Variants in CALY observed in about 807,000 individuals in gnomAD.
CALY encodes calcyon neuron specific vesicular protein, also known as neuron-specific vesicular protein calcyon.
Under a neutral mutation model 20.2 loss-of-function variants are expected in CALY, and 15 were observed. The observed-to-expected ratio is 0.74, with a 90% CI of 0.50 to 1.14. The LOEUF is 1.14. CALY is among the 50% of genes most tolerant of loss of function. The pLI, the probability that CALY is intolerant of heterozygous loss-of-function variation, is 0.00. For missense variants in CALY, 270 were observed against 304.4 expected (o/e 0.89, Z 0.84); for synonymous variants, 129 against 131.8 (o/e 0.98, Z 0.15).
chr10:133,326,839 G>A lies in CALY; in HGVS notation c.360+39C>T, dbSNP rs142924701. ...CTGCCTGGAGGCTACGGGAGGAGGG[G>A]CGGCTCTACACCCCCCACCAGAGCC... is the stretch of plus-strand genomic sequence containing the variant. On this transcript the variant is annotated intron_variant, in intron 4 of 5. Coordinates refer to ENST00000252939, the MANE Select transcript of CALY (RefSeq NM_015722.4). The A allele has an allele frequency of 1.6e-5, 22 of 1,390,402 alleles. No individual in the cohort carries two copies. In the East Asian group the frequency reaches 4.2e-4, roughly 27 times the overall value. 86.1% of individuals were successfully genotyped at this position (1,390,402 alleles called of 1,614,324 possible).
chr10:133,326,140 A>C lies in CALY; in HGVS notation c.361-20T>G. On this transcript the variant is annotated intron_variant, in intron 4 of 5. Coordinates refer to ENST00000252939, the MANE Select transcript of CALY (RefSeq NM_015722.4). Reference sequence around the variant, plus strand: ...CTTGTGCTGCGGGAGGGGCCGGGTCAGGGTCGGTGGGGCTGAGCCCTCCTG... The same window carrying C: ...CTTGTGCTGCGGGAGGGGCCGGGTCCGGGTCGGTGGGGCTGAGCCCTCCTG... The C allele has an allele frequency of 6.3e-7, 1 of 1,593,220 alleles. No individual in the cohort carries two copies. The highest frequency in any genetic ancestry group is 8.6e-7 in the Non-Finnish European group (1 of 1,167,700).
intron 3 of CALY, among the ~76,000 whole-genome samples, 164 bp from the exon 4 acceptor site, chr10:133,327,155 A>G (rs1848228315): frequency 6.6e-6 from 1 of 152,228 alleles, no homozygotes; most frequent in African/African-American, 2.4e-5. Flanking sequence ...CCGAGGGTCA[A>G]GTGTGCAGGC....
At chr10:133,332,129 GAA>G (rs34950354) in intron 1 of CALY, among the ~76,000 whole-genome samples, 26,987 of 146,748 alleles carry the variant, frequency 0.18, 2,775 homozygotes, top group African/African-American at 0.27. Context: ...CTCCGTCTGG[GAA>G]AAAAAAAAAA....
In CALY at chr10:133,329,591, G is replaced by A. The variant is rs556773995; in HGVS notation, c.-20-582C>T. Among the ~76,000 whole-genome samples, 15 of 151,382 alleles carry A rather than the reference G, an allele frequency of 9.9e-5. 1 individual carries two copies. In the East Asian group the frequency reaches 2.9e-3, roughly 30 times the overall value. ...TGTAGAGACGGGGTTTCGTCAGGTTGCCCAGGCTGGTCTCAAGCGATCTGC... is the reference window on the plus strand; with the variant it reads ...TGTAGAGACGGGGTTTCGTCAGGTTACCCAGGCTGGTCTCAAGCGATCTGC... On this transcript the variant is annotated intron_variant, in intron 1 of 5. Coordinates refer to ENST00000252939, the MANE Select transcript of CALY (RefSeq NM_015722.4).
At chr10:133,329,395 T>C (rs116598524) in intron 1 of CALY, among the ~76,000 whole-genome samples, 9 of 104,962 alleles carry the variant, frequency 8.6e-5, no homozygotes, top group South Asian at 2.7e-4. Context: ...TCTTCTTCTT[T>C]TTTTTTTTTG....
intron 1 of CALY, 27 bp from the exon 2 acceptor site, chr10:133,329,036 C>T: frequency 2.7e-6 from 4 of 1,502,024 alleles, no homozygotes; most frequent in Middle Eastern, 2.0e-4. Flanking sequence ...AGAGTCACTG[C>T]CCACAGGCTG....
intron 1 of CALY, among the ~76,000 whole-genome samples, chr10:133,330,959 TATC>T (rs1392848730): frequency 6.6e-6 from 1 of 152,164 alleles, no homozygotes; most frequent in Non-Finnish European, 1.5e-5. Context: ...CAAGGTAACA[TATC>T]ATGACAGTTT....
chr10:133,329,297 C>T (rs1848263253), intron 1 of CALY, among the ~76,000 whole-genome samples: 1 of 152,234 alleles, frequency 6.6e-6, no homozygotes, highest in South Asian at 2.1e-4. Context: ...CTTCCAACGG[C>T]AGCTGCTCTA....
chr10:133,326,576 A>C (rs1174673077), intron 4 of CALY, among the ~76,000 whole-genome samples: 1 of 152,232 alleles, frequency 6.6e-6, no homozygotes, highest in African/African-American at 2.4e-5. Flanking sequence ...TTATATAAAA[A>C]TAAAACCTCA....
At chr10:133,329,389 C>CTTTTTTTTTTTTTTTTTTTTTTT (rs1325679515) in intron 1 of CALY, among the ~76,000 whole-genome samples, 1 of 99,614 alleles carries the variant, frequency 1.0e-5, no homozygotes, top group African/African-American at 4.1e-5. Context: ...TCTTCTTCTT[C>CTTTTTTTTTTTTTTTTTTTTTTT]TTCTTTTTTT....
intron 1 of CALY, among the ~76,000 whole-genome samples, chr10:133,331,353 C>T (rs1407330940): frequency 1.3e-5 from 2 of 152,170 alleles, no homozygotes; most frequent in African/African-American, 4.8e-5. Flanking sequence ...ACCCATGAAA[C>T]AGTGTCTGTG....
At chr10:133,328,542 C>T (rs977410452) in intron 2 of CALY, among the ~76,000 whole-genome samples, 1 of 152,234 alleles carries the variant, frequency 6.6e-6, no homozygotes, top group African/African-American at 2.4e-5. Context: ...CAGGGCCATG[C>T]CCCGAGGGGA....
Position 133,324,928 on chromosome 10 carries a change from TC to T in CALY, c.*666del. 7 of 220,252 alleles carry T rather than the reference TC, an allele frequency of 3.2e-5. No homozygotes were observed. Among genetic ancestry groups the T allele is most frequent in the Admixed American group, 1.1e-4 (2 of 18,552 alleles). The allele number at this position is 220,252 out of a possible 1,614,324, so 13.6% of individuals were successfully genotyped here. A position where few individuals can be genotyped will look rare whatever the true frequency, so the allele number is the denominator to read the frequency against. On this transcript the variant is annotated 3_prime_UTR_variant, in exon 6 of 6. Coordinates refer to ENST00000252939, the MANE Select transcript of CALY (RefSeq NM_015722.4). ...CCCCTCATCAGGCCCCACTCCCCAC[TC>T]AGACGCCCCCATTCACTCCTTTCTT...
Position 133,325,996 on chromosome 10 carries a change from G to A in CALY, c.485C>T (p.Pro162Leu), listed in dbSNP as rs1272973286. ...GCGGTAGCCGTCCCCCCAGGCCGCC[G>A]GCGTCTCCGTGCCGTGCTTGCGGCT... ...PLSRKHGTETPAAWGDGYRAA... is the reference protein window; with the variant it reads ...PLSRKHGTETLAAWGDGYRAA... The change falls in exon 5 of 6, where the codon CCG (proline) becomes CTG (leucine). Residue 162 changes from proline (P) to leucine (L), a missense_variant. Transcript: ENST00000252939. 3.2e-6 allele frequency: 5 copies of A among 1,566,018 alleles called. No homozygotes were observed. The highest frequency in any genetic ancestry group is 2.4e-5 in the East Asian group (1 of 41,742).
chr10:133,327,952 G>C lies in CALY; in HGVS notation c.199C>G (p.Leu67Val). 2.5e-6 allele frequency: 4 copies of C among 1,613,268 alleles called. No homozygotes were observed. The highest frequency in any genetic ancestry group is 3.4e-6 in the Non-Finnish European group (4 of 1,179,702). The change falls in exon 3 of 6, where the codon CTG becomes GTG. Residue 67 changes from leucine to valine, a missense_variant. Transcript: ENST00000252939. ...CTGCAGTTCAGCCTCTGGCCCTCCA[G>C]GTCAGGGAAATTCTGCTGGTCTGGG... ...SSPDQQNFPD[L>V]EGQRLNCSHP...
rs1208070264 is a variant in CALY at position 133,327,945 on chromosome 10, C to A, written c.206G>T (p.Gly69Val). 6.2e-7 allele frequency: 1 copy of A among 1,613,160 alleles called. No homozygotes were observed. The highest frequency in any genetic ancestry group is 1.1e-5 in the South Asian group (1 of 90,792). The change falls in exon 3 of 6, where the codon GGC becomes GTC. Residue 69 changes from glycine to valine, a missense_variant. Transcript: ENST00000252939. ...PDQQNFPDLE[G>V]QRLNCSHPEE... ...TGGGTGGCTGCAGTTCAGCCTCTGG[C>A]CCTCCAGGTCAGGGAAATTCTGCTG...
chr10:133,327,980 G>A lies in CALY; in HGVS notation c.171C>T (p.Ser57=). 1 of 1,612,522 alleles carries A rather than the reference G, an allele frequency of 6.2e-7. No homozygotes were observed. The highest frequency in any genetic ancestry group is 8.5e-7 in the Non-Finnish European group (1 of 1,179,336). ...CAGGGAAATTCTGCTGGTCTGGGGA[G>A]GACAGCTGGTATTCTGTCTGTGTCT... ...VIKTQTEYQL[S]SPDQQNFPDL... is the part of the protein sequence containing the mutation. The change falls in exon 3 of 6, where the codon TCC becomes TCT. Residue 57 remains serine (S), a synonymous_variant. Coordinates refer to ENST00000252939, the MANE Select transcript of CALY (RefSeq NM_015722.4).
intron 5 of CALY, 83 bp downstream of exon 5, chr10:133,325,716 G>T: frequency 1.7e-6 from 1 of 587,946 alleles, no homozygotes; most frequent in Non-Finnish European, 2.4e-6. Flanking sequence ...AAGGGTGGCG[G>T]GGGTCTTTGG....
At chr10:133,332,547 CA>C (rs1848326448) in intron 1 of CALY, among the ~76,000 whole-genome samples, 1 of 152,136 alleles carries the variant, frequency 6.6e-6, no homozygotes, top group African/African-American at 2.4e-5. Context: ...AAACAGCCTT[CA>C]AAAAATGGAA....
Sources: allele counts gnomAD v4.1 joint callset (sites outside exome capture counted in the v4.1 genomes callset), GRCh38; gene constraint gnomAD v4.1.1; transcripts MANE v1.5; gene names NCBI Gene and HGNC (gene_info 2026-07-23, HGNC 2026-07-21).